The following SUGCT variants were observed in gnomAD, a reference collection of about 807,000 sequenced individuals.
SUGCT encodes succinyl-CoA:glutarate-CoA transferase, also known as succinyl-CoA:glutarate CoA-transferase.
SUGCT carries 41 observed loss-of-function variants against 55.0 expected under a neutral mutation model. The ratio of observed to expected loss-of-function variants is 0.74; its 90% CI spans 0.58 to 0.97. The LOEUF (loss-of-function observed/expected upper bound fraction) is 0.97, where lower values mean the gene tolerates loss of function less well. Ranked by LOEUF, SUGCT falls within the 50% of genes least tolerant of loss-of-function variation. The probability of loss-of-function intolerance (pLI) is 0.00; values close to 1 mark genes in which losing one functional copy is unlikely to be tolerated. For missense variants in SUGCT, 568 were observed against 547.8 expected, an observed-to-expected ratio of 1.04 and a Z score of -0.37; for synonymous variants, 187 against 200.4, an observed-to-expected ratio of 0.93 and a Z score of 0.56.
At chr7:40,432,685 CAAAAAAAAAAAAAA>C (rs61055999) in intron 9 of SUGCT, among the ~76,000 whole-genome samples, 2 of 115,690 alleles carry the variant, frequency 1.7e-5, no homozygotes, top group Non-Finnish European at 3.6e-5. Context: ...GACTCCCTCT[CAAAAAAAAAAAAAA>C]AAAAAAAAAA....
the SUGCT span, among the ~76,000 whole-genome samples, chr7:41,020,973 G>A: frequency 6.6e-6 from 1 of 152,196 alleles, no homozygotes; most frequent in Non-Finnish European, 1.5e-5. Context: ...AATGCTCACA[G>A]ATGGACAGGA....
intron 11 of SUGCT, among the ~76,000 whole-genome samples, chr7:40,495,060 G>A (rs149576968): frequency 1.6e-3 from 250 of 151,876 alleles, no homozygotes; most frequent in African/African-American, 5.8e-3. Flanking sequence ...ACAGGCACCC[G>A]CCACCATGCC....
intron 9 of SUGCT, among the ~76,000 whole-genome samples, chr7:40,398,144 T>C (rs1210173798): frequency 2.0e-5 from 3 of 152,196 alleles, no homozygotes. Context: ...CAAGCTGGAG[T>C]GCAGTGGCAC....
At chr7:40,224,567 T>C (rs1246882247) in intron 6 of SUGCT, among the ~76,000 whole-genome samples, 1 of 152,142 alleles carries the variant, frequency 6.6e-6, no homozygotes, top group East Asian at 1.9e-4. Flanking sequence ...CTTTTTTTCC[T>C]TAAAAAACAG....
intron 12 of SUGCT, among the ~76,000 whole-genome samples, chr7:40,534,568 G>A (rs956469014): frequency 6.6e-6 from 1 of 152,072 alleles, no homozygotes; most frequent in African/African-American, 2.4e-5. Context: ...ACAGGCATGT[G>A]CCGCCGTGCC....
chr7:40,338,749 G>A lies in SUGCT; in HGVS notation c.816+21894G>A, dbSNP rs190646970. On this transcript the variant is annotated intron_variant, in intron 9 of 13. Coordinates refer to ENST00000335693, the MANE Select transcript of SUGCT (RefSeq NM_001193313.2). ...GTCTGAAGCCTTCTCCTCTCAACTC[G>A]TCAAAGTCATTCTCCATTCAGCTTT... Among the ~76,000 whole-genome samples the A allele has an allele frequency of 2.8e-3, 425 of 152,284 alleles. 2 individuals are homozygous for A. The highest frequency in any genetic ancestry group is 0.01 in the Middle Eastern group (3 of 294).
At chr7:40,860,225 G>A (rs1323348871) in intron 13 of SUGCT, 91 bp from the exon 14 acceptor site, 2 of 1,471,082 alleles carry the variant, frequency 1.4e-6, no homozygotes, top group East Asian at 2.3e-5. Flanking sequence ...GATATTTTTG[G>A]CATTCATGGA....
At chr7:40,471,055 CT>C (rs1218507099) in intron 11 of SUGCT, among the ~76,000 whole-genome samples, 1 of 152,056 alleles carries the variant, frequency 6.6e-6, no homozygotes, top group Non-Finnish European at 1.5e-5. Flanking sequence ...AGGATTGGCC[CT>C]TTTTGGTGGC....
intron 1 of SUGCT, among the ~76,000 whole-genome samples, chr7:40,166,565 C>T (rs1784433077): frequency 6.6e-6 from 1 of 152,100 alleles, no homozygotes; most frequent in Admixed American, 6.5e-5. Context: ...CCTTTATACG[C>T]CCATTCAAAC....
chr7:40,252,176 C>T (rs1452879771), intron 7 of SUGCT, among the ~76,000 whole-genome samples: 1 of 151,846 alleles, frequency 6.6e-6, no homozygotes, highest in Non-Finnish European at 1.5e-5. Flanking sequence ...ATTCTGTTGC[C>T]CAGATTGGAG....
At chr7:40,405,275 T>C (rs934172281) in intron 9 of SUGCT, among the ~76,000 whole-genome samples, 7 of 152,220 alleles carry the variant, frequency 4.6e-5, no homozygotes, top group Non-Finnish European at 7.3e-5. Flanking sequence ...CAGTGTTTTA[T>C]GCTCTTTTAA....
At chr7:40,459,242 G>T in intron 11 of SUGCT, 44 bp downstream of exon 11, 2 of 1,260,712 alleles carry the variant, frequency 1.6e-6, no homozygotes, top group Non-Finnish European at 2.3e-6. Context: ...ATTAATATGT[G>T]ATAAGCATTT....
At chr7:40,523,837 A>G (rs984735022) in intron 12 of SUGCT, among the ~76,000 whole-genome samples, 2 of 152,080 alleles carry the variant, frequency 1.3e-5, no homozygotes, top group African/African-American at 4.8e-5. Context: ...ATTTCTTGCT[A>G]GTTTTTAACT....
At chr7:40,290,597 A>G (rs976203034) in intron 8 of SUGCT, among the ~76,000 whole-genome samples, 13 of 152,232 alleles carry the variant, frequency 8.5e-5, no homozygotes, top group Non-Finnish European at 1.3e-4. Flanking sequence ...AGGCATGGGC[A>G]AGGACTACAT....
chr7:40,495,388 T>C (rs1345472202), intron 11 of SUGCT, among the ~76,000 whole-genome samples: 1 of 152,146 alleles, frequency 6.6e-6, no homozygotes, highest in African/African-American at 2.4e-5. Flanking sequence ...TAAAACATTT[T>C]AGTCTACTTT....
chr7:40,924,173 A>G, the SUGCT span, among the ~76,000 whole-genome samples: 11 of 152,206 alleles, frequency 7.2e-5, no homozygotes, highest in Admixed American at 1.3e-4. Context: ...TCTATTGTTT[A>G]TATGTTATCC....
the SUGCT span, among the ~76,000 whole-genome samples, chr7:40,983,075 T>C: frequency 1.3e-5 from 2 of 152,252 alleles, no homozygotes; most frequent in African/African-American, 4.8e-5. Flanking sequence ...TGCTGATTCA[T>C]TATTTTCATC....
chr7:40,964,909 C>G, the SUGCT span: 1 of 152,230 alleles, frequency 6.6e-6, no homozygotes, highest in Non-Finnish European at 1.5e-5. Context: ...CTTGTCCCCA[C>G]TGAAAAGGCA....
intron 6 of SUGCT, among the ~76,000 whole-genome samples, chr7:40,212,762 T>C (rs1307675335): frequency 6.6e-6 from 1 of 152,150 alleles, no homozygotes; most frequent in Non-Finnish European, 1.5e-5. Flanking sequence ...CTAGATCTCT[T>C]GACCTCGTGA....
Sources: gnomAD v4.1 joint callset for allele counts (sites outside exome capture counted in the v4.1 genomes callset) on GRCh38, gnomAD v4.1.1 for gene constraint, MANE v1.5 for transcripts, NCBI Gene and HGNC (gene_info 2026-07-23, HGNC 2026-07-21) for gene names.